SRRM4: variants seen among roughly 807,000 people sequenced by gnomAD.
SRRM4 encodes the protein serine/arginine repetitive matrix 4, also known as serine/arginine repetitive matrix protein 4.
In SRRM4, 33 loss-of-function variants were observed where a neutral mutation model predicts 68.9. The observed-to-expected ratio is 0.48, with a 90% CI of 0.36 to 0.64. The LOEUF (loss-of-function observed/expected upper bound fraction) is 0.64, where lower values mean the gene tolerates loss of function less well. Ranked by LOEUF, SRRM4 falls within the 30% of genes least tolerant of loss-of-function variation. The probability of loss-of-function intolerance (pLI) is 0.00; values close to 1 mark genes in which losing one functional copy is unlikely to be tolerated. For synonymous variants in SRRM4, 318 were observed against 318.8 expected, an observed-to-expected ratio of 1.00 and a Z score of 0.03; for missense variants, 817 against 827.1, an observed-to-expected ratio of 0.99 and a Z score of 0.15.
At chr12:119,083,932 A>T (rs1953964370) in intron 1 of SRRM4, among the ~76,000 whole-genome samples, 1 of 152,212 alleles carries the variant, frequency 6.6e-6, no homozygotes, top group Admixed American at 6.5e-5. Flanking sequence ...AACAGCACAG[A>T]CAAGACGTAG....
rs150547626 is a variant in SRRM4, at chr12:119,028,843, G to C, written c.131+46830G>C. 2.0e-5 allele frequency among the ~76,000 whole-genome samples: 3 copies of C among 152,304 alleles called. No homozygotes were observed. The East Asian group carries it at 5.8e-4, about 29-fold the overall frequency. On this transcript the variant is annotated intron_variant, in intron 1 of 12. Transcript: ENST00000267260. ...CTTGAAGGAAAATAAATTTGAATCG[G>C]TGATCCCAGGCTATAGGCAAGATGA... is the stretch of plus-strand genomic sequence containing the variant.
intron 2 of SRRM4, among the ~76,000 whole-genome samples, chr12:119,113,192 C>A (rs992568945): frequency 1.3e-5 from 2 of 152,124 alleles, no homozygotes; most frequent in Admixed American, 1.3e-4. Context: ...TTTTATCATT[C>A]TTTCTACTAA....
rs1423676033 is a variant in SRRM4, at chr12:119,162,511, G to A, written c.*5713G>A. The A allele has an allele frequency of 6.6e-6, 1 of 152,198 alleles. No homozygotes were observed. 9.4% of individuals were successfully genotyped at this position (152,198 alleles called of 1,614,324 possible). On this transcript the variant is annotated 3_prime_UTR_variant, in exon 13 of 13. Transcript: ENST00000267260. ...GGTCATATTGCCACTTTTCAGAGGA[G>A]AAAACTGAGGCTCAGGAGGGGGAGT... is the stretch of plus-strand genomic sequence containing the variant.
chr12:119,140,190 C>T (rs1279041294), intron 8 of SRRM4, among the ~76,000 whole-genome samples: 3 of 152,106 alleles, frequency 2.0e-5, no homozygotes, highest in African/African-American at 7.2e-5. Context: ...GCCTGGCCAA[C>T]ATGGCAAAAC....
At chr12:119,093,263 A>G (rs1214375559) in intron 1 of SRRM4, among the ~76,000 whole-genome samples, 1 of 152,078 alleles carries the variant, frequency 6.6e-6, no homozygotes, top group African/African-American at 2.4e-5. Context: ...TTTTTTCTCT[A>G]TCTTGTTCCC....
intron 1 of SRRM4, among the ~76,000 whole-genome samples, chr12:119,040,036 G>A (rs1953656108): frequency 6.6e-6 from 1 of 152,060 alleles, no homozygotes; most frequent in African/African-American, 2.4e-5. Context: ...AGAAATGTTA[G>A]TTATATGTAA....
At chr12:119,054,061 A>G (rs1343451199) in intron 1 of SRRM4, among the ~76,000 whole-genome samples, 2 of 152,122 alleles carry the variant, frequency 1.3e-5, no homozygotes, top group Admixed American at 1.3e-4. Context: ...TCTGCTGGTA[A>G]CCATCCTTCT....
chr12:119,057,358 C>G lies in SRRM4; in HGVS notation c.132-44878C>G, dbSNP rs192372298. On this transcript the variant is annotated intron_variant, in intron 1 of 12. Coordinates refer to ENST00000267260, the MANE Select transcript of SRRM4 (RefSeq NM_194286.4). ...CTGATGCTCTCCCTCTCCCAGCCCC[C>G]TGACAGGCCCCACCATGTGTTGTTC... Among the ~76,000 whole-genome samples, 5 of 152,292 alleles carry G rather than the reference C, an allele frequency of 3.3e-5. No homozygotes were observed. In the Middle Eastern group the frequency reaches 0.01, roughly 311 times the overall value.
At chr12:119,101,248 C>T (rs115810823) in intron 1 of SRRM4, among the ~76,000 whole-genome samples, 6,236 of 152,282 alleles carry the variant, frequency 0.041, 199 homozygotes, top group East Asian at 0.096. Flanking sequence ...GACTCTCAAA[C>T]TCCTGACTCT....
chr12:119,025,885 C>T (rs777452441), intron 1 of SRRM4, among the ~76,000 whole-genome samples: 5 of 152,102 alleles, frequency 3.3e-5, no homozygotes, highest in Non-Finnish European at 7.3e-5. Flanking sequence ...GCATCTTAGC[C>T]TGCTGTGCAG....
intron 1 of SRRM4, among the ~76,000 whole-genome samples, chr12:119,056,715 A>G (rs1565898906): frequency 6.8e-6 from 1 of 147,692 alleles, no homozygotes; most frequent in East Asian, 2.0e-4. Flanking sequence ...ATGCATGGCT[A>G]TTTTTTTTTT....
At chr12:119,022,743 A>G (rs1198147054) in intron 1 of SRRM4, among the ~76,000 whole-genome samples, 1 of 152,180 alleles carries the variant, frequency 6.6e-6, no homozygotes, top group African/African-American at 2.4e-5. Context: ...GAGAACCTTT[A>G]TCAATTGAAG....
At chr12:119,115,916 G>A (rs937907299) in intron 3 of SRRM4, among the ~76,000 whole-genome samples, 1 of 152,016 alleles carries the variant, frequency 6.6e-6, no homozygotes, top group Non-Finnish European at 1.5e-5. Context: ...CAAATCGGGA[G>A]ATTTCATATG....
At chr12:119,146,460 C>A (rs1776163925) in intron 9 of SRRM4, among the ~76,000 whole-genome samples, 1 of 151,960 alleles carries the variant, frequency 6.6e-6, no homozygotes, top group Admixed American at 6.6e-5. Context: ...GTGGTACATG[C>A]CTGTAATCCC....
chr12:119,112,341 C>T (rs1954149987), intron 2 of SRRM4, among the ~76,000 whole-genome samples: 1 of 152,186 alleles, frequency 6.6e-6, no homozygotes, highest in Admixed American at 6.5e-5. Flanking sequence ...AATGCTTTTA[C>T]ACTATTAGTG....
intron 1 of SRRM4, among the ~76,000 whole-genome samples, chr12:119,087,945 C>T (rs1258943608): frequency 6.6e-6 from 1 of 152,110 alleles, no homozygotes; most frequent in African/African-American, 2.4e-5. Context: ...CAATACCCAC[C>T]TCAAGAGTTT....
intron 2 of SRRM4, among the ~76,000 whole-genome samples, chr12:119,105,813 C>A (rs1954104418): frequency 6.6e-6 from 1 of 152,110 alleles, no homozygotes; most frequent in South Asian, 2.1e-4. Context: ...TGTGCAGAAG[C>A]TCTTTAGTTT....
chr12:119,023,156 C>A (rs1953526624), intron 1 of SRRM4, among the ~76,000 whole-genome samples: 1 of 152,204 alleles, frequency 6.6e-6, no homozygotes, highest in South Asian at 2.1e-4. Flanking sequence ...TTCCCCCAAT[C>A]CAAATGCTTG....
rs942437785 is a variant in SRRM4 at position 119,160,277 on chromosome 12, G to T, written c.*3479G>T. 7.6e-6 allele frequency: 1 copy of T among 131,018 alleles called. No homozygotes were observed. The highest frequency in any genetic ancestry group is 2.9e-5 in the African/African-American group (1 of 34,334). 8.1% of individuals were successfully genotyped at this position (131,018 alleles called of 1,614,324 possible). ...TCTCTCTCTCTCTGTCTCTCTCTCT[G>T]TCTCTCTCTCTGTCTCTCTCTCTCT... On this transcript the variant is annotated 3_prime_UTR_variant, in exon 13 of 13. Coordinates refer to ENST00000267260, the MANE Select transcript of SRRM4 (RefSeq NM_194286.4).
Sources: gnomAD v4.1 joint callset for allele counts (sites outside exome capture counted in the v4.1 genomes callset) on GRCh38, gnomAD v4.1.1 for gene constraint, MANE v1.5 for transcripts, NCBI Gene and HGNC (gene_info 2026-07-23, HGNC 2026-07-21) for gene names.